CPQ: variants seen among roughly 807,000 people sequenced by gnomAD.
The protein encoded by CPQ is Ser-Met dipeptidase.
In CPQ, 37 loss-of-function variants were observed where a neutral mutation model predicts 45.7. The ratio of observed to expected loss-of-function variants is 0.81; its 90% CI spans 0.62 to 1.07. CPQ has a LOEUF of 1.07. Among genes scored for constraint, CPQ ranks in the 50% least tolerant of loss-of-function variants. The pLI, the probability that CPQ is intolerant of heterozygous loss-of-function variation, is 0.00. For synonymous variants in CPQ, 186 were observed against 205.8 expected (o/e 0.90, Z 0.82); for missense variants, 537 against 572.9 (o/e 0.94, Z 0.64).
chr8:96,945,587 A>G (rs1198448739), intron 4 of CPQ, among the ~76,000 whole-genome samples: 2 of 152,130 alleles, frequency 1.3e-5, no homozygotes, highest in Non-Finnish European at 2.9e-5. Flanking sequence ...TCCCAAGATG[A>G]AAGAGTGCCT....
chr8:96,939,861 T>TAC lies in CPQ; in HGVS notation c.850-26070_850-26069dup, dbSNP rs540101453. Among the ~76,000 whole-genome samples the TAC allele has an allele frequency of 2.6e-5, 4 of 152,332 alleles. No individual in the cohort carries two copies. In the South Asian group the frequency reaches 8.3e-4, roughly 32 times the overall value. On this transcript the variant is annotated intron_variant, in intron 4 of 7. Transcript: ENST00000220763. ...AGTGGAATTTCTGGGTCACGAGGTT[T>TAC]ACACATACTTGGCTTTGCTAGGTAA...
chr8:96,649,042 C>T (rs377430993), intron 1 of CPQ, among the ~76,000 whole-genome samples: 1 of 152,210 alleles, frequency 6.6e-6, no homozygotes, highest in Non-Finnish European at 1.5e-5. Flanking sequence ...AGTGCCGTGG[C>T]AAGATCTCAC....
chr8:96,658,790 G>T (rs1461138861), intron 1 of CPQ, among the ~76,000 whole-genome samples: 1 of 151,704 alleles, frequency 6.6e-6, no homozygotes, highest in Non-Finnish European at 1.5e-5. Flanking sequence ...CAAGGAATGT[G>T]GGTGGCCACG....
chr8:96,964,131 C>A (rs187306565), intron 4 of CPQ, among the ~76,000 whole-genome samples: 1 of 145,390 alleles, frequency 6.9e-6, no homozygotes, highest in African/African-American at 2.6e-5. Context: ...ATTATGAATA[C>A]TCTGTTATGA....
chr8:97,118,152 C>CA (rs1563585271), intron 7 of CPQ, among the ~76,000 whole-genome samples: 2 of 152,066 alleles, frequency 1.3e-5, no homozygotes, highest in Non-Finnish European at 2.9e-5. Flanking sequence ...TTTGGTACAT[C>CA]AAAGAGATCA....
At chr8:97,141,418 A>G (rs578051015) in intron 7 of CPQ, among the ~76,000 whole-genome samples, 15 of 152,160 alleles carry the variant, frequency 9.9e-5, no homozygotes, top group Non-Finnish European at 2.2e-4. Flanking sequence ...TGACAAAAAA[A>G]TCCACATGTA....
intron 2 of CPQ, among the ~76,000 whole-genome samples, chr8:96,805,859 T>C (rs1811072018): frequency 6.6e-6 from 1 of 151,978 alleles, no homozygotes; most frequent in Non-Finnish European, 1.5e-5. Context: ...GATAGCCTCT[T>C]ACATTCCCTC....
At chr8:96,685,136 C>CAACAAAAAAACA (rs139480355) in intron 1 of CPQ, among the ~76,000 whole-genome samples, 9 of 149,934 alleles carry the variant, frequency 6.0e-5, no homozygotes, top group African/African-American at 2.2e-4. Flanking sequence ...AAACAAAAAA[C>CAACAAAAAAACA]AAAAAACAGA....
At chr8:97,050,479 T>TA (rs751969663) in intron 6 of CPQ, among the ~76,000 whole-genome samples, 1 of 152,284 alleles carries the variant, frequency 6.6e-6, no homozygotes, top group South Asian at 2.1e-4. Flanking sequence ...TCCAAAATGC[T>TA]AAAAAAGGAG....
chr8:96,696,693 C>G (rs1198897610), intron 1 of CPQ, among the ~76,000 whole-genome samples: 1 of 152,018 alleles, frequency 6.6e-6, no homozygotes, highest in East Asian at 1.9e-4. Context: ...GACATTACAA[C>G]CAATACCACA....
intron 4 of CPQ, among the ~76,000 whole-genome samples, chr8:96,906,393 C>A (rs897454530): frequency 6.6e-6 from 1 of 152,078 alleles, no homozygotes; most frequent in African/African-American, 2.4e-5. Flanking sequence ...AAGTCTATGT[C>A]TTGGGCTTCT....
At chr8:97,003,124 A>G (rs553363944) in intron 5 of CPQ, among the ~76,000 whole-genome samples, 2 of 152,180 alleles carry the variant, frequency 1.3e-5, no homozygotes, top group Non-Finnish European at 2.9e-5. Flanking sequence ...ATTTTCCTCC[A>G]TCCCTTTATT....
intron 7 of CPQ, among the ~76,000 whole-genome samples, chr8:97,122,991 A>AT (rs1811754182): frequency 1.4e-5 from 1 of 72,138 alleles, no homozygotes; most frequent in African/African-American, 7.0e-5. Context: ...TTAAAATAAA[A>AT]TAAAATAAAA....
intron 7 of CPQ, among the ~76,000 whole-genome samples, chr8:97,083,330 G>A (rs1010749137): frequency 1.3e-5 from 2 of 152,078 alleles, no homozygotes; most frequent in African/African-American, 4.8e-5. Context: ...GCATGTACTC[G>A]ACTATCCTAA....
intron 1 of CPQ, among the ~76,000 whole-genome samples, chr8:96,783,577 C>T (rs541731680): frequency 3.9e-5 from 6 of 152,228 alleles, no homozygotes; most frequent in South Asian, 2.1e-4. Context: ...CCGTCACAAG[C>T]GCAATTACAT....
At chr8:96,663,609 A>G (rs1313893419) in intron 1 of CPQ, among the ~76,000 whole-genome samples, 1 of 152,196 alleles carries the variant, frequency 6.6e-6, no homozygotes, top group Non-Finnish European at 1.5e-5. Flanking sequence ...ACAGTTGTAA[A>G]CCGTTTGTGC....
rs1352435588 is a variant in CPQ at position 97,012,308 on chromosome 8, T to C, written c.962-17095T>C. Among the ~76,000 whole-genome samples, 3 of 152,222 alleles carry C rather than the reference T, an allele frequency of 2.0e-5. No individual in the cohort carries two copies. In the East Asian group the frequency reaches 5.8e-4, roughly 29 times the overall value. ...AATTTTAGTTTCTTCTTTTATGAAA[T>C]AGAATTCTTAAATGCATGCTTGTGC... On this transcript the variant is annotated intron_variant, in intron 5 of 7. Coordinates refer to ENST00000220763, the MANE Select transcript of CPQ (RefSeq NM_016134.4).
chr8:96,879,919 C>G lies in CPQ; in HGVS notation c.763C>G (p.Gln255Glu). ...MASHGIKIVI[Q>E]LKMGAKTYPD... ...TTCTCATGGGATCAAAATTGTCATT[C>G]AGCTAAAGATGGGGGCAAAGACCTA... The change falls in exon 4 of 8, where the codon CAG becomes GAG. Residue 255 changes from glutamine (Q) to glutamate (E), a missense_variant. Physicochemically the swap from Gln to Glu is conservative, Grantham distance 29 (BLOSUM62 2). Coordinates refer to ENST00000220763, the MANE Select transcript of CPQ (RefSeq NM_016134.4). 6.2e-7 allele frequency: 1 copy of G among 1,614,026 alleles called. No individual in the cohort carries two copies. The highest frequency in any genetic ancestry group is 8.5e-7 in the Non-Finnish European group (1 of 1,179,970).
At chr8:96,859,974 A>G (rs1000412314) in intron 3 of CPQ, among the ~76,000 whole-genome samples, 1 of 152,206 alleles carries the variant, frequency 6.6e-6, no homozygotes, top group African/African-American at 2.4e-5. Flanking sequence ...TTCTCCAAAA[A>G]GACTTAAATT....
Sources: allele counts gnomAD v4.1 joint callset (sites outside exome capture counted in the v4.1 genomes callset), GRCh38; gene constraint gnomAD v4.1.1; transcripts MANE v1.5; gene names NCBI Gene and HGNC (gene_info 2026-07-23, HGNC 2026-07-21).